Variants in NECAB2 observed in about 807,000 individuals in gnomAD.
The protein encoded by NECAB2 is N-terminal EF-hand calcium-binding protein 2.
A neutral mutation model predicts 51.9 loss-of-function variants in NECAB2; 68 were observed. The ratio of observed to expected loss-of-function variants is 1.31; its 90% CI spans 1.08 to 1.60. The LOEUF is 1.60. Ranked by LOEUF, NECAB2 falls within the 40% of genes most tolerant of loss-of-function variation. NECAB2 has a pLI of 0.00. For missense variants in NECAB2, 854 were observed against 490.3 expected (o/e 1.74, Z -7.00); for synonymous variants, 329 against 203.5 (o/e 1.62, Z -5.25).
At chr16:84,002,210 A>ACAAGGACTCAAAG in intron 12 of NECAB2, 108 bp from the exon 13 acceptor site, 3 of 1,379,354 alleles carry the variant, frequency 2.2e-6, no homozygotes, top group Non-Finnish European at 3.1e-6. Flanking sequence ...TGTGTGTCAC[A>ACAAGGACTCAAAG]CAAGGACTCA....
chr16:83,972,401 G>C (rs1034111796), intron 2 of NECAB2, among the ~76,000 whole-genome samples: 7 of 152,230 alleles, frequency 4.6e-5, no homozygotes, highest in Non-Finnish European at 5.9e-5. Flanking sequence ...CTCCACTCAA[G>C]GGCTCAGTGA....
At chr16:84,001,973 G>A (rs1567682566) in intron 12 of NECAB2, 57 bp downstream of exon 12, 1 of 1,561,604 alleles carries the variant, frequency 6.4e-7, no homozygotes, top group East Asian at 2.3e-5. Context: ...AAGGGCAAGA[G>A]CCTAGAGGCT....
In NECAB2 at chr16:83,968,660, G is replaced by A. The variant is rs1360539844; in HGVS notation, c.12G>A (p.Arg4=). 4 of 982,110 alleles carry A rather than the reference G, an allele frequency of 4.1e-6. No homozygotes were observed. Among genetic ancestry groups the A allele is most frequent in the East Asian group, 1.1e-4 (1 of 8,704 alleles). The allele number at this position is 982,110 out of a possible 1,614,324, so 60.8% of individuals were successfully genotyped here. A position where few individuals can be genotyped will look rare whatever the true frequency, so the allele number is the denominator to read the frequency against. The change falls in exon 1 of 13, where the codon CGG becomes CGA. Residue 4 remains arginine, a synonymous_variant. Transcript: ENST00000305202. ...GCGGGCGCGGCGCGATGTGCGAGCGGGCGGCGCGCCTGTGCAGGGCCGGCG... is the reference window on the plus strand; with the variant it reads ...GCGGGCGCGGCGCGATGTGCGAGCGAGCGGCGCGCCTGTGCAGGGCCGGCG... MCE[R]AARLCRAGAH...
At chr16:84,000,241 A>C (rs566692122) in intron 10 of NECAB2, among the ~76,000 whole-genome samples, 16 of 152,196 alleles carry the variant, frequency 1.1e-4, no homozygotes, top group Non-Finnish European at 2.1e-4. Flanking sequence ...CTTTAACATG[A>C]CATTTCAGCT....
chr16:83,990,591 G>A lies in NECAB2; in HGVS notation c.557G>A (p.Ser186Asn), dbSNP rs771970941. Residue 186 changes from serine to asparagine, a missense_variant, in exon 6 of 13, where the codon AGT (serine) becomes AAT (asparagine). By Grantham distance (46) the Ser-to-Asn change is conservative (BLOSUM62 1). Coordinates refer to ENST00000305202, the MANE Select transcript of NECAB2 (RefSeq NM_019065.3). ...QIQSLLSSVE[S>N]AVEAIEEQTS... ...CAGTCGCTGCTGAGCTCAGTGGAGA[G>A]TGCGGTGGAGGCCATCGAGGAACAG... 6.8e-6 allele frequency: 11 copies of A among 1,613,980 alleles called. No homozygotes were observed. The East Asian group carries it at 8.9e-5, about 13-fold the overall frequency.
chr16:83,972,119 C>A (rs750583401), intron 1 of NECAB2, 32 bp from the exon 2 acceptor site: 3 of 1,612,616 alleles, frequency 1.9e-6, no homozygotes. Flanking sequence ...CTCTCCCTGG[C>A]CCAGGGCTGA....
chr16:84,002,650 CACTG>C lies in NECAB2; in HGVS notation c.*307_*310del, dbSNP rs1213955791. ...CCCTCACATGGCCACGCATGACCCACACTGACCACACCCTGCCCTCTTCGGTGAC... is the reference window on the plus strand; with the variant it reads ...CCCTCACATGGCCACGCATGACCCACACCACACCCTGCCCTCTTCGGTGAC... On this transcript the variant is annotated 3_prime_UTR_variant, in exon 13 of 13. Transcript: ENST00000305202. The C allele has an allele frequency of 1.8e-5, 9 of 510,344 alleles. No individual in the cohort carries two copies. Among genetic ancestry groups the C allele is most frequent in the Non-Finnish European group, 2.8e-5 (8 of 281,702 alleles). The allele number at this position is 510,344 out of a possible 1,614,324, so 31.6% of individuals were successfully genotyped here. A position where few individuals can be genotyped will look rare whatever the true frequency, so the allele number is the denominator to read the frequency against.
At chr16:83,974,244 C>T (rs7192992) in intron 2 of NECAB2, among the ~76,000 whole-genome samples, 20,529 of 152,126 alleles carry the variant, frequency 0.13, 3,770 homozygotes, top group African/African-American at 0.42. Context: ...GGCTCAAGTC[C>T]TGGCTCAGCC....
intron 5 of NECAB2, among the ~76,000 whole-genome samples, chr16:83,989,493 G>A (rs570215354): frequency 1.3e-5 from 2 of 152,260 alleles, no homozygotes; most frequent in Admixed American, 1.3e-4. Context: ...CTTTCCTTGA[G>A]AGCCCTGTTT....
In NECAB2 at chr16:83,994,411, C is replaced by T. The variant is rs2084668198; in HGVS notation, c.706C>T (p.Leu236Phe). 6.2e-7 allele frequency: 1 copy of T among 1,614,116 alleles called. No individual in the cohort carries two copies. Among genetic ancestry groups the T allele is most frequent in the Non-Finnish European group, 8.5e-7 (1 of 1,179,972 alleles). The stretch of plus-strand genomic sequence containing the variant: ...CATGGCTATGGAACAAGGCAAGACC[C>T]TTCCATCTGGTGAGAGAAAGCGGGG... ...KLMAMEQGKTLPSATEDAKEE... is the reference protein window; with the variant it reads ...KLMAMEQGKTFPSATEDAKEE... The change falls in exon 7 of 13, where the codon CTT (leucine) becomes TTT (phenylalanine). Residue 236 changes from leucine (L) to phenylalanine (F), a missense_variant. Transcript: ENST00000305202.
intron 5 of NECAB2, among the ~76,000 whole-genome samples, chr16:83,989,216 C>T (rs1224062487): frequency 6.6e-6 from 1 of 152,154 alleles, no homozygotes. Flanking sequence ...TGGTTTTGGT[C>T]ATTGCCATTT....
intron 12 of NECAB2, 23 bp from the exon 13 acceptor site, chr16:84,002,295 C>CTAACGTGTCTCTCTCCT (rs755423359): frequency 6.2e-7 from 1 of 1,613,716 alleles, no homozygotes; most frequent in East Asian, 2.2e-5. Flanking sequence ...CTCCTTCCCT[C>CTAACGTGTCTCTCTCCT]TAACGTGTCT....
chr16:83,990,661 G>A lies in NECAB2; in HGVS notation c.596+31G>A, dbSNP rs780095482. On this transcript the variant is annotated intron_variant, in intron 6 of 12. Coordinates refer to ENST00000305202, the MANE Select transcript of NECAB2 (RefSeq NM_019065.3). ...TCTCTGAGACCCTGCAGGGTCCCAT[G>A]GGGGTATGCCGTGCACGCGCACGTG... is the stretch of plus-strand genomic sequence containing the variant. The A allele has an allele frequency of 1.2e-5, 19 of 1,611,890 alleles. No individual in the cohort carries two copies. The East Asian group carries it at 4.2e-4, about 36-fold the overall frequency.
chr16:83,984,769 C>G (rs1279622674), intron 5 of NECAB2, among the ~76,000 whole-genome samples: 4 of 152,156 alleles, frequency 2.6e-5, no homozygotes, highest in African/African-American at 9.7e-5. Context: ...TAGCTCACAT[C>G]TTAAGTTTCT....
At position 83,991,357 on chromosome 16, in the gene NECAB2, T is replaced by C. The variant is rs1328226909; in HGVS notation, c.596+727T>C. On this transcript the variant is annotated intron_variant, in intron 6 of 12. Transcript: ENST00000305202. ...TCTTTTTTCTTTTTCTATTTCCTTT[T>C]CTTTTCTTTTCTTTTTTTTTTTTTT... Among the ~76,000 whole-genome samples, 6 of 141,236 alleles carry C rather than the reference T, an allele frequency of 4.2e-5. No homozygotes were observed. In the East Asian group the frequency reaches 1.2e-3, roughly 28 times the overall value. 92.7% of individuals were successfully genotyped at this position (141,236 alleles called of 152,430 possible).
At chr16:83,989,628 A>C (rs1160862981) in intron 5 of NECAB2, among the ~76,000 whole-genome samples, 1 of 152,132 alleles carries the variant, frequency 6.6e-6, no homozygotes, top group Non-Finnish European at 1.5e-5. Flanking sequence ...AAGATCCCCC[A>C]ACACAGCATC....
At chr16:84,001,090 G>A (rs1340504486) in intron 11 of NECAB2, among the ~76,000 whole-genome samples, 1 of 152,118 alleles carries the variant, frequency 6.6e-6, no homozygotes, top group Non-Finnish European at 1.5e-5. Flanking sequence ...GGGGGCCGAG[G>A]CACTGCCTTC....
chr16:83,999,444 G>A (rs576557899), intron 10 of NECAB2, among the ~76,000 whole-genome samples: 1 of 152,168 alleles, frequency 6.6e-6, no homozygotes, highest in Non-Finnish European at 1.5e-5. Context: ...TCGAGTTGGA[G>A]ACGGCAAGCC....
intron 5 of NECAB2, among the ~76,000 whole-genome samples, chr16:83,983,466 C>G (rs901085409): frequency 6.6e-6 from 1 of 152,146 alleles, no homozygotes; most frequent in African/African-American, 2.4e-5. Flanking sequence ...AATACCAGCT[C>G]TTATTTTAGA....
Sources: allele counts gnomAD v4.1 joint callset (sites outside exome capture counted in the v4.1 genomes callset), GRCh38; gene constraint gnomAD v4.1.1; transcripts MANE v1.5; gene names NCBI Gene and HGNC (gene_info 2026-07-23, HGNC 2026-07-21).